Variants in CCSER1 observed in about 807,000 individuals in gnomAD.
The protein encoded by CCSER1 is serine-rich coiled-coil domain-containing protein 1.
CCSER1 carries 41 observed loss-of-function variants against 82.0 expected under a neutral mutation model. That is an observed-to-expected ratio of 0.50 (90% CI 0.39 to 0.65). CCSER1 has a LOEUF of 0.65. Ranked by LOEUF, CCSER1 falls within the 30% of genes least tolerant of loss-of-function variation. The pLI, the probability that CCSER1 is intolerant of heterozygous loss-of-function variation, is 0.00. For missense variants in CCSER1, 1,119 were observed against 1,064.2 expected, an observed-to-expected ratio of 1.05 and a Z score of -0.72; for synonymous variants, 414 against 383.9, an observed-to-expected ratio of 1.08 and a Z score of -0.92.
At chr4:90,778,698 C>A (rs1406616674) in intron 7 of CCSER1, among the ~76,000 whole-genome samples, 1 of 151,574 alleles carries the variant, frequency 6.6e-6, no homozygotes, top group Non-Finnish European at 1.5e-5. Context: ...TGTGGGATAC[C>A]ATGTTTAAAC....
intron 10 of CCSER1, among the ~76,000 whole-genome samples, chr4:91,262,914 C>T (rs749795202): frequency 1.4e-4 from 21 of 151,906 alleles, no homozygotes; most frequent in Admixed American, 2.0e-4. Context: ...GTTAGCGCAG[C>T]CTGACTCACT....
At chr4:90,215,724 T>C (rs539925515) in intron 1 of CCSER1, among the ~76,000 whole-genome samples, 156 of 152,304 alleles carry the variant, frequency 1.0e-3, no homozygotes, top group African/African-American at 3.5e-3. Flanking sequence ...TAGAACTTTC[T>C]GGCAAAGGTG....
rs574922072 is a variant in CCSER1, at chr4:90,893,777, G to A, written c.2095-29593G>A. On this transcript the variant is annotated intron_variant, in intron 8 of 10. Coordinates refer to ENST00000509176, the MANE Select transcript of CCSER1 (RefSeq NM_001145065.2). ...TTCTTGTGTGTGTGTGTGTGTGTGC[G>A]TGTGTGTGTGTGTGTGGGGGGTGAA... Among the ~76,000 whole-genome samples the A allele has an allele frequency of 2.5e-3, 326 of 128,428 alleles. 1 individual carries two copies. The highest frequency in any genetic ancestry group is 4.0e-3 in the Middle Eastern group (1 of 248). 84.3% of individuals were successfully genotyped at this position (128,428 alleles called of 152,430 possible).
At chr4:90,458,472 G>C (rs1762467056) in intron 4 of CCSER1, among the ~76,000 whole-genome samples, 1 of 152,040 alleles carries the variant, frequency 6.6e-6, no homozygotes, top group Admixed American at 6.5e-5. Context: ...TCCTGCCTCA[G>C]TTCCTGAGCA....
In CCSER1 at chr4:91,475,586, G is replaced by T. The variant is rs189007849; in HGVS notation, c.2218-122986G>T. On this transcript the variant is annotated intron_variant, in intron 10 of 10. Transcript: ENST00000509176. Reference sequence around the variant, plus strand: ...TTAATTTAGTAAAAGTTGACCCCCTGCCACCTTTTCTTTCTCTTCTGATTA... The same window carrying T: ...TTAATTTAGTAAAAGTTGACCCCCTTCCACCTTTTCTTTCTCTTCTGATTA... Among the ~76,000 whole-genome samples the T allele has an allele frequency of 3.8e-4, 58 of 151,912 alleles. 1 individual carries two copies. The highest frequency in any genetic ancestry group is 1.3e-3 in the African/African-American group (55 of 41,544).
chr4:90,728,745 C>T (rs1744162330), intron 7 of CCSER1, among the ~76,000 whole-genome samples: 1 of 151,998 alleles, frequency 6.6e-6, no homozygotes, highest in Non-Finnish European at 1.5e-5. Context: ...CTTTACGTGA[C>T]CATAGAGCCT....
chr4:91,378,161 T>A (rs1750574626), intron 10 of CCSER1, among the ~76,000 whole-genome samples: 1 of 152,210 alleles, frequency 6.6e-6, no homozygotes, highest in South Asian at 2.1e-4. Context: ...AGCCTTGTAG[T>A]ATAGTTTGAA....
At position 90,734,649 on chromosome 4, in the gene CCSER1, A is replaced by G. The variant is rs540912488; in HGVS notation, c.2010+10658A>G. ...ATTCCGTTGGGATATAGAAATGTTA[A>G]TGATTTTTGTATGTTGATATTGTAT... On this transcript the variant is annotated intron_variant, in intron 7 of 10. Coordinates refer to ENST00000509176, the MANE Select transcript of CCSER1 (RefSeq NM_001145065.2). Among the ~76,000 whole-genome samples, 5 of 152,256 alleles carry G rather than the reference A, an allele frequency of 3.3e-5. No individual in the cohort carries two copies. The South Asian group carries it at 1.0e-3, about 32-fold the overall frequency.
chr4:90,301,832 CATT>C, intron 1 of CCSER1, among the ~76,000 whole-genome samples: 1 of 152,024 alleles, frequency 6.6e-6, no homozygotes, highest in Middle Eastern at 3.7e-3. Flanking sequence ...GTTATAAAAA[CATT>C]GTAGTAAAAA....
At chr4:90,720,302 A>T (rs543507438) in intron 6 of CCSER1, among the ~76,000 whole-genome samples, 4,121 of 57,092 alleles carry the variant, frequency 0.072, 171 homozygotes, top group African/African-American at 0.23. Context: ...AAAAAAAATT[A>T]AAAAAAAACA....
chr4:90,589,299 G>A (rs1045372085), intron 5 of CCSER1, among the ~76,000 whole-genome samples: 10 of 151,844 alleles, frequency 6.6e-5, no homozygotes, highest in African/African-American at 2.4e-4. Context: ...ACACATTGCT[G>A]TCATCAGAAG....
intron 7 of CCSER1, among the ~76,000 whole-genome samples, chr4:90,790,548 A>G (rs1755094589): frequency 6.6e-6 from 1 of 151,662 alleles, no homozygotes; most frequent in Non-Finnish European, 1.5e-5. Context: ...TTCTGGATAC[A>G]TTTTTTTTCC....
chr4:91,216,308 A>G (rs1445800329), intron 10 of CCSER1, among the ~76,000 whole-genome samples: 2 of 152,164 alleles, frequency 1.3e-5, no homozygotes, highest in Non-Finnish European at 2.9e-5. Flanking sequence ...GTAGGGAAAC[A>G]CTGACTTTAT....
chr4:91,032,671 A>G (rs1344263288), intron 9 of CCSER1, among the ~76,000 whole-genome samples: 1 of 152,174 alleles, frequency 6.6e-6, no homozygotes, highest in Non-Finnish European at 1.5e-5. Flanking sequence ...GGAGATACTG[A>G]AGATTTTTAC....
At chr4:91,287,607 A>G (rs1743381890) in intron 10 of CCSER1, among the ~76,000 whole-genome samples, 1 of 152,010 alleles carries the variant, frequency 6.6e-6, no homozygotes. Context: ...ACCAATGCCT[A>G]CTTGACTGTG....
chr4:91,058,916 C>A (rs1399043706), intron 9 of CCSER1, among the ~76,000 whole-genome samples: 1 of 151,972 alleles, frequency 6.6e-6, no homozygotes, highest in Non-Finnish European at 1.5e-5. Flanking sequence ...ATCATTTGCA[C>A]TGAAGACTTT....
chr4:90,950,258 A>C (rs888485203), intron 9 of CCSER1, among the ~76,000 whole-genome samples: 1 of 152,190 alleles, frequency 6.6e-6, no homozygotes, highest in Non-Finnish European at 1.5e-5. Context: ...TCTGTAAAAA[A>C]ATTAATGAGT....
chr4:90,749,260 A>G (rs1748127647), intron 7 of CCSER1, among the ~76,000 whole-genome samples: 1 of 151,882 alleles, frequency 6.6e-6, no homozygotes, highest in East Asian at 1.9e-4. Flanking sequence ...ACATGTGGCT[A>G]GCCAGTTTTC....
intron 9 of CCSER1, among the ~76,000 whole-genome samples, chr4:91,029,511 A>AT (rs1204943983): frequency 6.6e-6 from 1 of 152,038 alleles, no homozygotes; most frequent in African/African-American, 2.4e-5. Context: ...TAAGGGCCTT[A>AT]TAACAACCAT....
Sources: allele counts gnomAD v4.1 joint callset (sites outside exome capture counted in the v4.1 genomes callset), GRCh38; gene constraint gnomAD v4.1.1; transcripts MANE v1.5; gene names NCBI Gene and HGNC (gene_info 2026-07-23, HGNC 2026-07-21).